The following ADGRV1 variants were observed in gnomAD, a reference collection of about 807,000 sequenced individuals.
ADGRV1 encodes the protein G-protein coupled receptor 98.
In ADGRV1, 359 loss-of-function variants were observed where a neutral mutation model predicts 596.2. The ratio of observed to expected loss-of-function variants is 0.60; its 90% CI spans 0.55 to 0.66. ADGRV1 has a LOEUF of 0.66. ADGRV1 is among the 30% of genes least tolerant of loss of function. The pLI, the probability that ADGRV1 is intolerant of heterozygous loss-of-function variation, is 0.00. For missense variants in ADGRV1, 7,274 were observed against 7,575.6 expected (o/e 0.96, Z 1.48); for synonymous variants, 2,681 against 2,679.2 (o/e 1.00, Z -0.02).
rs573951474 is a variant in ADGRV1, at chr5:90,687,062, G to T, written c.6490+1067G>T. Reference sequence around the variant, plus strand: ...CCTTTGCCCACTTTTTGATGGGGTTGTTTTTTTCTTGTAAATTTGTTTGAG... The same window carrying T: ...CCTTTGCCCACTTTTTGATGGGGTTTTTTTTTTCTTGTAAATTTGTTTGAG... On this transcript the variant is annotated intron_variant, in intron 29 of 89. Coordinates refer to ENST00000405460, the MANE Select transcript of ADGRV1 (RefSeq NM_032119.4). Among the ~76,000 whole-genome samples the T allele has an allele frequency of 1.5e-3, 231 of 152,020 alleles. 3 individuals carry two copies. Among genetic ancestry groups the T allele is most frequent in the African/African-American group, 5.3e-3 (219 of 41,482 alleles).
chr5:91,047,498 G>C (rs1581893445), intron 85 of ADGRV1, among the ~76,000 whole-genome samples: 1 of 152,218 alleles, frequency 6.6e-6, no homozygotes, highest in East Asian at 1.9e-4. Flanking sequence ...AAAGATGTAG[G>C]CTCGGAGGCT....
Position 90,805,328 on chromosome 5 carries a change from T to C in ADGRV1, c.14706T>C (p.Ala4902=). The C allele has an allele frequency of 3.7e-6, 6 of 1,613,194 alleles. No individual in the cohort carries two copies. Among genetic ancestry groups the C allele is most frequent in the Non-Finnish European group, 5.1e-6 (6 of 1,179,290 alleles). The change falls in exon 72 of 90, where the codon GCT becomes GCC. Residue 4902 remains alanine (A), a synonymous_variant. Transcript: ENST00000405460. The stretch of plus-strand genomic sequence containing the variant: ...CTTTTCAACTCATGAACATCACTGC[T>C]GGCACAAGCCACGTTATGATTTCTA... The part of the protein sequence containing the change: ...STAFQLMNIT[A]GTSHVMISRR...
chr5:90,619,832 A>C (rs562713045), intron 4 of ADGRV1, among the ~76,000 whole-genome samples: 3 of 143,022 alleles, frequency 2.1e-5, no homozygotes, highest in African/African-American at 7.9e-5. Flanking sequence ...ATTCCCACCT[A>C]TGAGTGAGAA....
intron 87 of ADGRV1, among the ~76,000 whole-genome samples, chr5:91,120,312 A>AT (rs1793199842): frequency 6.6e-6 from 1 of 152,156 alleles, no homozygotes; most frequent in South Asian, 2.1e-4. Context: ...CAGAAACCAG[A>AT]TTTTTTATGT....
At chr5:90,644,051 T>G (rs1317224576) in intron 14 of ADGRV1, 68 bp downstream of exon 14, 5 of 1,156,906 alleles carry the variant, frequency 4.3e-6, no homozygotes, top group Non-Finnish European at 5.9e-6. Context: ...TTTTAGTTAT[T>G]TCTTTAGTAA....
At chr5:90,894,743 T>A (rs896774225) in intron 83 of ADGRV1, among the ~76,000 whole-genome samples, 8 of 152,268 alleles carry the variant, frequency 5.3e-5, no homozygotes, top group Admixed American at 5.2e-4. Context: ...TTTCTAAGAA[T>A]GAATATGGAA....
chr5:91,153,095 A>G, intron 88 of ADGRV1, 126 bp from the exon 89 acceptor site: 2 of 681,082 alleles, frequency 2.9e-6, no homozygotes, highest in African/African-American at 1.8e-5. Flanking sequence ...TTTCAAAACA[A>G]TGCCACTGCC....
intron 57 of ADGRV1, 41 bp from the exon 58 acceptor site, chr5:90,759,368 T>C: frequency 7.4e-7 from 1 of 1,350,884 alleles, no homozygotes; most frequent in Non-Finnish European, 1.0e-6. Flanking sequence ...TCCTCCTTCT[T>C]TTCCTCCCTC....
chr5:90,622,654 C>G lies in ADGRV1; in HGVS notation c.511C>G (p.Leu171Val), dbSNP rs1260495679. 1 of 1,553,622 alleles carries G rather than the reference C, an allele frequency of 6.4e-7. No individual in the cohort carries two copies. The highest frequency in any genetic ancestry group is 1.4e-5 in the African/African-American group (1 of 72,722). Reference protein sequence around the residue: ...KGRNESMPLTLIREKGTYGMV... With the variant: ...KGRNESMPLTVIREKGTYGMV... ...CAGAAATGAGTCTATGCCTCTTACT[C>G]TCATCAGGGAAAAGGGAACCTATGG... The change falls in exon 5 of 90, where the codon CTC becomes GTC. Residue 171 changes from leucine (L) to valine (V), a missense_variant. Transcript: ENST00000405460.
At chr5:91,028,791 T>C (rs1784245187) in intron 85 of ADGRV1, among the ~76,000 whole-genome samples, 1 of 138,090 alleles carries the variant, frequency 7.2e-6, no homozygotes. Flanking sequence ...AAGGCTGGAG[T>C]GCAGTAGTGC....
chr5:90,931,673 T>C (rs1297217834), intron 83 of ADGRV1, among the ~76,000 whole-genome samples: 2 of 152,250 alleles, frequency 1.3e-5, no homozygotes, highest in East Asian at 3.8e-4. Flanking sequence ...ACAAACATTT[T>C]ATTAAAATTG....
chr5:91,066,693 A>T (rs1787911295), intron 85 of ADGRV1, among the ~76,000 whole-genome samples: 1 of 152,220 alleles, frequency 6.6e-6, no homozygotes, highest in Non-Finnish European at 1.5e-5. Flanking sequence ...TTACCCTGAT[A>T]TCCCTGCCTC....
chr5:90,712,573 CTG>C, intron 42 of ADGRV1, 145 bp downstream of exon 42: 2 of 653,236 alleles, frequency 3.1e-6, no homozygotes, highest in Non-Finnish European at 5.2e-6. Context: ...TTCAGAATTC[CTG>C]TGTCTGTGTA....
At chr5:90,650,956 G>T (rs988740917) in intron 17 of ADGRV1, among the ~76,000 whole-genome samples, 4 of 152,122 alleles carry the variant, frequency 2.6e-5, no homozygotes, top group Non-Finnish European at 5.9e-5. Flanking sequence ...AAGATGAAGA[G>T]ATAGGCACTT....
At chr5:91,005,333 G>A (rs1221173371) in intron 85 of ADGRV1, among the ~76,000 whole-genome samples, 1 of 151,826 alleles carries the variant, frequency 6.6e-6, no homozygotes, top group African/African-American at 2.4e-5. Context: ...ACTTTGTAAG[G>A]CAACAAATCC....
intron 85 of ADGRV1, among the ~76,000 whole-genome samples, chr5:91,035,892 A>G (rs73771166): frequency 0.31 from 24,676 of 79,330 alleles, 2,797 homozygotes; most frequent in Non-Finnish European, 0.39. Context: ...TCTTACAACA[A>G]TGCCTAGCAC....
intron 86 of ADGRV1, among the ~76,000 whole-genome samples, chr5:91,087,507 G>T (rs866235315): frequency 1.3e-5 from 2 of 150,038 alleles, no homozygotes; most frequent in African/African-American, 4.9e-5. Context: ...TCACCATGTT[G>T]ACCAGGCTGG....
intron 52 of ADGRV1, among the ~76,000 whole-genome samples, chr5:90,749,321 T>C (rs1248349829): frequency 6.6e-6 from 1 of 152,212 alleles, no homozygotes; most frequent in African/African-American, 2.4e-5. Flanking sequence ...TCTGGCTGCA[T>C]GAAGTGCTCA....
Position 90,725,605 on chromosome 5 carries a change from C to T in ADGRV1, c.10110C>T (p.Ser3370=). 6.3e-7 allele frequency: 1 copy of T among 1,591,368 alleles called. No homozygotes were observed. Among genetic ancestry groups the T allele is most frequent in the Non-Finnish European group, 8.6e-7 (1 of 1,160,276 alleles). Residue 3370 remains serine (S), a synonymous_variant, in exon 48 of 90, where the codon AGC becomes AGT. Transcript: ENST00000405460. The part of the protein sequence containing the change: ...SSQVRYFTSD[S]QDYLIIASQR... The stretch of plus-strand genomic sequence containing the variant: ...AAGTAAGATATTTTACTTCAGACAG[C>T]CAAGATTATTTAATCATTGCAAGTC...
Sources: allele counts gnomAD v4.1 joint callset (sites outside exome capture counted in the v4.1 genomes callset), GRCh38; gene constraint gnomAD v4.1.1; transcripts MANE v1.5; gene names NCBI Gene and HGNC (gene_info 2026-07-23, HGNC 2026-07-21).